The following CAMKMT variants were observed in gnomAD, a reference collection of about 807,000 sequenced individuals.
CAMKMT encodes the protein calmodulin-lysine N-methyltransferase.
CAMKMT carries 53 observed loss-of-function variants against 48.0 expected under a neutral mutation model. The ratio of observed to expected loss-of-function variants is 1.10; its 90% CI spans 0.89 to 1.39. The LOEUF (loss-of-function observed/expected upper bound fraction) is 1.39. Among genes scored for constraint, CAMKMT ranks in the 40% most tolerant of loss-of-function variants. The pLI is 0.00. For missense variants in CAMKMT, 428 were observed against 402.7 expected, an observed-to-expected ratio of 1.06 and a Z score of -0.54; for synonymous variants, 165 against 152.3, an observed-to-expected ratio of 1.08 and a Z score of -0.61.
At chr2:44,667,842 C>T (rs1028851172) in intron 3 of CAMKMT, among the ~76,000 whole-genome samples, 1 of 152,168 alleles carries the variant, frequency 6.6e-6, no homozygotes, top group Non-Finnish European at 1.5e-5. Flanking sequence ...TTACGTTTTT[C>T]ATTGCTCATC....
At chr2:44,470,132 T>C (rs1459630836) in intron 3 of CAMKMT, among the ~76,000 whole-genome samples, 2 of 152,202 alleles carry the variant, frequency 1.3e-5, no homozygotes, top group African/African-American at 4.8e-5. Context: ...CTCATTTTAA[T>C]GTAAAAGTAG....
At chr2:44,440,987 A>G (rs1666621754) in intron 3 of CAMKMT, among the ~76,000 whole-genome samples, 1 of 152,148 alleles carries the variant, frequency 6.6e-6, no homozygotes, top group African/African-American at 2.4e-5. Flanking sequence ...ACTAATTTGA[A>G]TTCCACATCA....
chr2:44,439,786 AAAATAAATAAATAAAT>A (rs201288437), intron 3 of CAMKMT, among the ~76,000 whole-genome samples: 17,078 of 147,864 alleles, frequency 0.12, 1,478 homozygotes, highest in African/African-American at 0.25. Flanking sequence ...TCCATCTCAT[AAAATAAATAAATAAAT>A]AAATAAATAA....
chr2:44,629,184 G>A (rs903948913), intron 3 of CAMKMT, among the ~76,000 whole-genome samples: 1 of 152,034 alleles, frequency 6.6e-6, no homozygotes, highest in Admixed American at 6.6e-5. Flanking sequence ...TCTGCTTCAT[G>A]TATTTTGAAG....
chr2:44,506,243 G>A (rs979576622), intron 3 of CAMKMT, among the ~76,000 whole-genome samples: 1 of 152,134 alleles, frequency 6.6e-6, no homozygotes, highest in Non-Finnish European at 1.5e-5. Flanking sequence ...GGGTATAAAA[G>A]TGAGAAAATG....
intron 1 of CAMKMT, among the ~76,000 whole-genome samples, chr2:44,368,245 T>C (rs559765456): frequency 6.6e-6 from 1 of 152,340 alleles, no homozygotes; most frequent in East Asian, 1.9e-4. Context: ...TTATATAACA[T>C]GGGTATTTGA....
rs879802203 is a variant in CAMKMT, at chr2:44,441,582, C to CT, written c.376+51288dup. On this transcript the variant is annotated intron_variant, in intron 3 of 10. Transcript: ENST00000378494. The stretch of plus-strand genomic sequence containing the variant: ...TAGGGTTAACTATCTCTTGATACTT[C>CT]TTTTTTTTTTTAAACCCAACACAGA... Among the ~76,000 whole-genome samples the CT allele has an allele frequency of 2.8e-3, 413 of 147,198 alleles. 2 individuals carry two copies. The highest frequency in any genetic ancestry group is 9.4e-3 in the African/African-American group (378 of 40,420).
intron 7 of CAMKMT, among the ~76,000 whole-genome samples, chr2:44,715,952 C>A (rs1264937248): frequency 2.6e-5 from 4 of 152,176 alleles, no homozygotes; most frequent in Non-Finnish European, 4.4e-5. Flanking sequence ...CTTTTAGATT[C>A]TGTTAATTCT....
At chr2:44,488,461 G>A (rs745424182) in intron 3 of CAMKMT, among the ~76,000 whole-genome samples, 32 of 152,142 alleles carry the variant, frequency 2.1e-4, no homozygotes, top group African/African-American at 5.3e-4. Context: ...CCAAGATTGT[G>A]CCATTGCACT....
intron 3 of CAMKMT, among the ~76,000 whole-genome samples, chr2:44,523,941 C>G (rs1002486379): frequency 6.6e-6 from 1 of 151,402 alleles, no homozygotes; most frequent in African/African-American, 2.4e-5. Flanking sequence ...CCATGCCCAG[C>G]TAATTTTGTA....
intron 3 of CAMKMT, among the ~76,000 whole-genome samples, chr2:44,594,646 T>C (rs775450252): frequency 1.1e-4 from 17 of 152,288 alleles, no homozygotes; most frequent in Middle Eastern, 6.8e-3. Flanking sequence ...CCTTACACCT[T>C]AGACAAAAAT....
At chr2:44,562,204 C>T (rs1668359717) in intron 3 of CAMKMT, among the ~76,000 whole-genome samples, 1 of 152,196 alleles carries the variant, frequency 6.6e-6, no homozygotes, top group Admixed American at 6.5e-5. Flanking sequence ...CCATGTCCCC[C>T]TTCCCATTCC....
intron 3 of CAMKMT, among the ~76,000 whole-genome samples, chr2:44,558,033 T>TCA (rs1668109746): frequency 2.4e-5 from 3 of 126,810 alleles, no homozygotes; most frequent in African/African-American, 3.5e-5. Context: ...ATTTATTTAT[T>TCA]TATTCATTCA....
intron 2 of CAMKMT, among the ~76,000 whole-genome samples, chr2:44,387,008 G>A (rs1310864549): frequency 2.0e-5 from 3 of 152,130 alleles, no homozygotes; most frequent in Non-Finnish European, 2.9e-5. Context: ...TGGACAAAAT[G>A]TTCTGTATGT....
intron 3 of CAMKMT, among the ~76,000 whole-genome samples, chr2:44,652,823 A>T (rs1374273337): frequency 6.6e-6 from 1 of 152,178 alleles, no homozygotes; most frequent in Non-Finnish European, 1.5e-5. Flanking sequence ...GTGCTGGACA[A>T]TTGACATCCA....
intron 3 of CAMKMT, among the ~76,000 whole-genome samples, chr2:44,512,801 A>G (rs111752723): frequency 7.0e-4 from 106 of 152,024 alleles, no homozygotes; most frequent in African/African-American, 2.2e-3. Flanking sequence ...TATATTTTCA[A>G]TGTTTTTTTC....
intron 3 of CAMKMT, among the ~76,000 whole-genome samples, chr2:44,453,747 C>G (rs925670033): frequency 6.6e-6 from 1 of 152,048 alleles, no homozygotes; most frequent in Non-Finnish European, 1.5e-5. Context: ...TTAATGAATA[C>G]TTTAATGAAT....
intron 7 of CAMKMT, among the ~76,000 whole-genome samples, chr2:44,731,018 A>G (rs1044052139): frequency 6.6e-6 from 1 of 152,194 alleles, no homozygotes; most frequent in African/African-American, 2.4e-5. Flanking sequence ...CAAATACACA[A>G]GAAACTACCT....
intron 3 of CAMKMT, among the ~76,000 whole-genome samples, chr2:44,609,999 C>T (rs1466130313): frequency 1.3e-5 from 2 of 152,156 alleles, no homozygotes; most frequent in Non-Finnish European, 1.5e-5. Flanking sequence ...TCAAAGGCAT[C>T]TTAGCCTAAG....
Sources: allele counts gnomAD v4.1 joint callset (sites outside exome capture counted in the v4.1 genomes callset), GRCh38; gene constraint gnomAD v4.1.1; transcripts MANE v1.5; gene names NCBI Gene and HGNC (gene_info 2026-07-23, HGNC 2026-07-21).